The following GNAQ variants were observed in gnomAD, a reference collection of about 807,000 sequenced individuals.
GNAQ encodes G protein subunit alpha q, also known as guanine nucleotide-binding protein G(q) subunit alpha.
GNAQ carries 8 observed loss-of-function variants against 43.9 expected under a neutral mutation model. The observed-to-expected ratio is 0.18, with a 90% CI of 0.11 to 0.33. GNAQ has a LOEUF of 0.33. GNAQ is among the 10% of genes least tolerant of loss of function. The pLI is 1.00. For synonymous variants in GNAQ, 155 were observed against 170.7 expected, an observed-to-expected ratio of 0.91 and a Z score of 0.71; for missense variants, 158 against 450.8, an observed-to-expected ratio of 0.35 and a Z score of 5.88.
chr9:77,768,088 CAA>C (rs1403708181), intron 5 of GNAQ, among the ~76,000 whole-genome samples: 2 of 151,996 alleles, frequency 1.3e-5, no homozygotes, highest in African/African-American at 4.8e-5. Context: ...TACAATAACC[CAA>C]AGACAGGTGA....
At chr9:77,942,988 GTTTTCA>G (rs1457303511) in intron 1 of GNAQ, among the ~76,000 whole-genome samples, 1 of 152,066 alleles carries the variant, frequency 6.6e-6, no homozygotes, top group Non-Finnish European at 1.5e-5. Flanking sequence ...TACCTTTCTG[GTTTTCA>G]TTTATCATTA....
At chr9:77,849,306 A>T (rs1235516255) in intron 2 of GNAQ, among the ~76,000 whole-genome samples, 1 of 152,230 alleles carries the variant, frequency 6.6e-6, no homozygotes, top group African/African-American at 2.4e-5. Flanking sequence ...TAAAAAATAG[A>T]AATAATAAGA....
intron 2 of GNAQ, among the ~76,000 whole-genome samples, chr9:77,873,521 GTGTCC>G (rs1828076546): frequency 6.6e-6 from 1 of 152,170 alleles, no homozygotes; most frequent in Non-Finnish European, 1.5e-5. Context: ...TTTGTGGCAG[GTGTCC>G]TTGTTTCAGT....
intron 1 of GNAQ, among the ~76,000 whole-genome samples, chr9:78,000,171 AG>A: frequency 6.6e-6 from 1 of 152,208 alleles, no homozygotes; most frequent in East Asian, 1.9e-4. Context: ...AATTAAAAAG[AG>A]GGTAATTAGC....
chr9:77,916,419 A>G (rs1267081171), intron 2 of GNAQ, among the ~76,000 whole-genome samples: 2 of 152,212 alleles, frequency 1.3e-5, no homozygotes, highest in Non-Finnish European at 2.9e-5. Context: ...ATCAAGGGCA[A>G]CAATAAGTTG....
intron 5 of GNAQ, among the ~76,000 whole-genome samples, chr9:77,788,789 T>C (rs1217833565): frequency 6.6e-6 from 1 of 152,192 alleles, no homozygotes; most frequent in African/African-American, 2.4e-5. Flanking sequence ...CCACACGGTA[T>C]AAGCCTATCA....
At chr9:77,760,316 C>T (rs1238445303) in intron 5 of GNAQ, among the ~76,000 whole-genome samples, 1 of 152,030 alleles carries the variant, frequency 6.6e-6, no homozygotes, top group Non-Finnish European at 1.5e-5. Context: ...GCCTGATTCT[C>T]CTGCCTCAGC....
chr9:77,917,345 C>T (rs1828925116), intron 2 of GNAQ, among the ~76,000 whole-genome samples: 1 of 151,730 alleles, frequency 6.6e-6, no homozygotes, highest in African/African-American at 2.4e-5. Flanking sequence ...CAGAAAAGCA[C>T]ATCGGTATAA....
At chr9:77,980,105 C>T (rs116817198) in intron 1 of GNAQ, among the ~76,000 whole-genome samples, 142 of 152,280 alleles carry the variant, frequency 9.3e-4, no homozygotes, top group African/African-American at 3.2e-3. Context: ...GGATAAACTA[C>T]GTTCTTTGTG....
chr9:78,030,969 G>C (rs1824049676), intron 1 of GNAQ, 131 bp downstream of exon 1: 2 of 511,664 alleles, frequency 3.9e-6, no homozygotes, highest in African/African-American at 4.0e-5. Context: ...CAGTGGCCGG[G>C]GGCGCGCCCG....
chr9:77,778,060 A>C (rs1433663219), intron 5 of GNAQ, among the ~76,000 whole-genome samples: 4 of 152,076 alleles, frequency 2.6e-5, no homozygotes, highest in Non-Finnish European at 5.9e-5. Context: ...CATTATTTGT[A>C]ATAGCCAAAA....
intron 5 of GNAQ, among the ~76,000 whole-genome samples, chr9:77,771,434 AAG>A (rs1412399628): frequency 6.6e-6 from 1 of 152,198 alleles, no homozygotes; most frequent in East Asian, 1.9e-4. Flanking sequence ...CATTTTCTAA[AAG>A]AGAATTAAAA....
chr9:77,956,764 T>C (rs1823045676), intron 1 of GNAQ, among the ~76,000 whole-genome samples: 1 of 152,186 alleles, frequency 6.6e-6, no homozygotes, highest in African/African-American at 2.4e-5. Context: ...ATGCAATATG[T>C]ACTCAACATT....
chr9:77,760,318 T>C, intron 5 of GNAQ, among the ~76,000 whole-genome samples: 1 of 152,040 alleles, frequency 6.6e-6, no homozygotes, highest in Non-Finnish European at 1.5e-5. Context: ...CTGATTCTCC[T>C]GCCTCAGCCT....
chr9:77,756,692 T>C (rs1379092031), intron 5 of GNAQ, among the ~76,000 whole-genome samples: 3 of 152,222 alleles, frequency 2.0e-5, no homozygotes, highest in Admixed American at 6.5e-5. Context: ...AACCACTGTA[T>C]TTTCAGGACT....
chr9:77,816,800 T>C (rs1276967604), intron 2 of GNAQ, among the ~76,000 whole-genome samples: 1 of 152,202 alleles, frequency 6.6e-6, no homozygotes, highest in Non-Finnish European at 1.5e-5. Flanking sequence ...AAACTATTCA[T>C]TTCACAAGAG....
intron 1 of GNAQ, among the ~76,000 whole-genome samples, chr9:77,942,305 A>C (rs1713616646): frequency 6.6e-6 from 1 of 152,206 alleles, no homozygotes; most frequent in Non-Finnish European, 1.5e-5. Flanking sequence ...TAAAATATAC[A>C]AGAAAATGTC....
At chr9:77,905,383 A>G (rs1434244813) in intron 2 of GNAQ, among the ~76,000 whole-genome samples, 1 of 152,150 alleles carries the variant, frequency 6.6e-6, no homozygotes, top group Non-Finnish European at 1.5e-5. Flanking sequence ...TTACTGGATT[A>G]GAGTCTCTGG....
intron 2 of GNAQ, among the ~76,000 whole-genome samples, chr9:77,885,211 G>A (rs1828282972): frequency 6.6e-6 from 1 of 152,124 alleles, no homozygotes; most frequent in African/African-American, 2.4e-5. Flanking sequence ...ACCTCCCAGT[G>A]CCTCATCATG....
Sources: allele counts gnomAD v4.1 joint callset (sites outside exome capture counted in the v4.1 genomes callset), GRCh38; gene constraint gnomAD v4.1.1; transcripts MANE v1.5; gene names NCBI Gene and HGNC (gene_info 2026-07-23, HGNC 2026-07-21).